The following ADGRG6 variants were observed in gnomAD, a reference collection of about 807,000 sequenced individuals.
The protein encoded by ADGRG6 is G-protein coupled receptor 126.
Under a neutral mutation model 142.4 loss-of-function variants are expected in ADGRG6, and 84 were observed. The observed-to-expected ratio is 0.59, with a 90% CI of 0.49 to 0.71. The LOEUF (loss-of-function observed/expected upper bound fraction) is 0.71, where lower values mean the gene tolerates loss of function less well. Among genes scored for constraint, ADGRG6 ranks in the 30% least tolerant of loss-of-function variants. ADGRG6 has a pLI of 0.00. For synonymous variants in ADGRG6, 521 were observed against 520.5 expected (o/e 1.00, Z -0.01); for missense variants, 1,367 against 1,466.6 (o/e 0.93, Z 1.11).
rs184235213 is a variant in ADGRG6, at chr6:142,403,803, G to A, written c.1957G>A (p.Ala653Thr). 4.2e-4 allele frequency: 654 copies of A among 1,568,456 alleles called. 3 individuals carry two copies. In the African/African-American group the frequency reaches 7.8e-3, roughly 19 times the overall value. ...DSDLLESSSE[A>T]LKTIDELAFK... is the part of the protein sequence containing the mutation. ...TGGCATTTTTTGTCGTTACTTTAGA[G>A]CTTTAAAAACAATTGATGAATTGGC... The change falls in exon 14 of 25, where the codon GCT becomes ACT. Residue 653 changes from alanine to threonine, a missense_variant and splice_region_variant. This residue lies in a region of ADGRG6 where 286 missense variants were observed against 371.4 expected (regional missense o/e 0.77). Transcript: ENST00000367609.
At chr6:142,380,621 G>A (rs75242895) in intron 4 of ADGRG6, among the ~76,000 whole-genome samples, 2 of 152,232 alleles carry the variant, frequency 1.3e-5, no homozygotes, top group Admixed American at 6.5e-5. Context: ...TAGAAATTCT[G>A]TCTGCCAGTA....
intron 2 of ADGRG6, among the ~76,000 whole-genome samples, chr6:142,355,237 A>G (rs1198976686): frequency 1.3e-5 from 2 of 151,946 alleles, no homozygotes; most frequent in Non-Finnish European, 2.9e-5. Flanking sequence ...TTTCCGTAAG[A>G]TGGACCTCTC....
At chr6:142,434,540 G>A (rs905125721) in intron 22 of ADGRG6, among the ~76,000 whole-genome samples, 2 of 152,050 alleles carry the variant, frequency 1.3e-5, no homozygotes, top group Non-Finnish European at 2.9e-5. Flanking sequence ...TGGCCAGGCT[G>A]GTCAGCTCCT....
intron 8 of ADGRG6, 76 bp from the exon 9 acceptor site, chr6:142,393,820 T>C (rs540319851): frequency 2.3e-4 from 201 of 887,790 alleles, no homozygotes; most frequent in Non-Finnish European, 3.3e-4. Flanking sequence ...GTCTCTTTAT[T>C]TCAGGTCCCC....
Position 142,403,914 on chromosome 6 carries a change from A to G in ADGRG6, c.2068A>G (p.Thr690Ala). Residue 690 changes from threonine (T) to alanine (A), a missense_variant, in exon 14 of 25, where the codon ACA becomes GCA. Thr to Ala is a moderately conservative substitution (Grantham distance 58). Coordinates refer to ENST00000367609, the MANE Select transcript of ADGRG6 (RefSeq NM_198569.3). ...CAGCGTATCATCCCTGTTACCAGGG[A>G]CAAATGCAATTTCAAATTTTAGCAT... The part of the protein sequence containing the change: ...ALSVSSLLPG[T>A]NAISNFSIGL... 6.2e-7 allele frequency: 1 copy of G among 1,611,076 alleles called. No homozygotes were observed. Among genetic ancestry groups the G allele is most frequent in the Non-Finnish European group, 8.5e-7 (1 of 1,177,428 alleles).
chr6:142,361,610 G>A (rs1780718774), intron 2 of ADGRG6, among the ~76,000 whole-genome samples: 1 of 152,156 alleles, frequency 6.6e-6, no homozygotes, highest in Non-Finnish European at 1.5e-5. Flanking sequence ...AACACTGTGT[G>A]AAATTTTGTA....
intron 6 of ADGRG6, among the ~76,000 whole-genome samples, chr6:142,389,712 C>A (rs938887906): frequency 2.6e-5 from 4 of 151,702 alleles, no homozygotes; most frequent in African/African-American, 9.7e-5. Context: ...GATGAAAAGT[C>A]TGGTGAAATG....
chr6:142,359,048 A>G (rs1780588754), intron 2 of ADGRG6, among the ~76,000 whole-genome samples: 1 of 151,426 alleles, frequency 6.6e-6, no homozygotes, highest in Non-Finnish European at 1.5e-5. Flanking sequence ...TACAATTAAA[A>G]AAAAAAAAAA....
intron 2 of ADGRG6, 76 bp from the exon 3 acceptor site, chr6:142,367,493 G>T: frequency 1.1e-6 from 1 of 915,482 alleles, no homozygotes; most frequent in Non-Finnish European, 1.7e-6. Flanking sequence ...ATTGTCGCCA[G>T]TGTGTGGTAT....
intron 4 of ADGRG6, among the ~76,000 whole-genome samples, chr6:142,372,461 C>T (rs967065752): frequency 7.2e-5 from 11 of 152,196 alleles, no homozygotes; most frequent in African/African-American, 2.4e-4. Flanking sequence ...CAGACCCATG[C>T]CTGCCCTTCT....
At chr6:142,330,543 C>G (rs1427923393) in intron 2 of ADGRG6, among the ~76,000 whole-genome samples, 1 of 152,114 alleles carries the variant, frequency 6.6e-6, no homozygotes, top group Non-Finnish European at 1.5e-5. Flanking sequence ...GTCACCAGAT[C>G]CATTTTTAGA....
intron 2 of ADGRG6, among the ~76,000 whole-genome samples, chr6:142,343,280 G>C (rs1297465634): frequency 6.6e-6 from 1 of 151,330 alleles, no homozygotes; most frequent in Admixed American, 6.6e-5. Flanking sequence ...CTTGGAAATA[G>C]GAAAATAACC....
At chr6:142,370,045 G>A in intron 3 of ADGRG6, 125 bp from the exon 4 acceptor site, 1 of 654,782 alleles carries the variant, frequency 1.5e-6, no homozygotes, top group South Asian at 2.3e-5. Flanking sequence ...AAGAGGGGAG[G>A]GATGGGGCAA....
At chr6:142,321,748 T>G (rs1194232871) in intron 2 of ADGRG6, among the ~76,000 whole-genome samples, 1 of 152,088 alleles carries the variant, frequency 6.6e-6, no homozygotes, top group Non-Finnish European at 1.5e-5. Flanking sequence ...TGTTTCAAAT[T>G]TTGATTTGAA....
chr6:142,303,215 C>T (rs779742277), intron 1 of ADGRG6, among the ~76,000 whole-genome samples: 6 of 152,084 alleles, frequency 3.9e-5, no homozygotes, highest in Non-Finnish European at 8.8e-5. Context: ...TATCCCCTTC[C>T]ACTAACTCAT....
chr6:142,316,628 A>G (rs1195488370), intron 2 of ADGRG6, among the ~76,000 whole-genome samples: 1 of 152,136 alleles, frequency 6.6e-6, no homozygotes, highest in East Asian at 1.9e-4. Context: ...GAAATATGAC[A>G]TTATGTACAA....
chr6:142,368,295 A>T (rs1781051258), intron 3 of ADGRG6, among the ~76,000 whole-genome samples: 1 of 152,204 alleles, frequency 6.6e-6, no homozygotes, highest in Non-Finnish European at 1.5e-5. Flanking sequence ...CTTTTAAGGA[A>T]CTATGGTAGG....
intron 16 of ADGRG6, 110 bp downstream of exon 16, chr6:142,408,379 G>A: frequency 1.4e-6 from 1 of 704,818 alleles, no homozygotes. Context: ...TTGTGGAGTA[G>A]GGCCCAGTTT....
At chr6:142,410,375 T>C (rs1776019504) in intron 17 of ADGRG6, among the ~76,000 whole-genome samples, 1 of 152,006 alleles carries the variant, frequency 6.6e-6, no homozygotes, top group Admixed American at 6.6e-5. Context: ...AATATAGAAA[T>C]TGATATAATG....
Sources: gnomAD v4.1 joint callset for allele counts (sites outside exome capture counted in the v4.1 genomes callset) on GRCh38, gnomAD v4.1.1 for gene constraint, gnomAD v4.1.1 regional missense constraint, MANE v1.5 for transcripts, NCBI Gene and HGNC (gene_info 2026-07-23, HGNC 2026-07-21) for gene names.